EDNRB: variants seen among roughly 807,000 people sequenced by gnomAD.
EDNRB encodes endothelin receptor type B, also known as Hirschsprung disease 2.
A neutral mutation model predicts 46.4 loss-of-function variants in EDNRB; 18 were observed. The observed-to-expected ratio is 0.39, with a 90% confidence interval of 0.27 to 0.57. The LOEUF (loss-of-function observed/expected upper bound fraction) is 0.57, where lower values mean the gene tolerates loss of function less well. EDNRB is among the 20% of genes least tolerant of loss of function. EDNRB has a pLI of 0.61. For synonymous variants in EDNRB, 213 were observed against 204.9 expected (o/e 1.04, Z -0.34); for missense variants, 434 against 537.5 (o/e 0.81, Z 1.90).
intron 1 of EDNRB, among the ~76,000 whole-genome samples, chr13:77,930,124 TC>T (rs1880351392): frequency 6.6e-6 from 1 of 152,154 alleles, no homozygotes; most frequent in African/African-American, 2.4e-5. Context: ...TTTTTGATGA[TC>T]AACTATACGA....
Position 77,897,768 on chromosome 13 carries a change from AT to A in EDNRB, c.*431del. The A allele has an allele frequency of 1.0e-6, 1 of 986,420 alleles. No individual in the cohort carries two copies. The highest frequency in any genetic ancestry group is 1.2e-6 in the Non-Finnish European group (1 of 828,816). 61.1% of individuals were successfully genotyped at this position (986,420 alleles called of 1,614,324 possible). A position where few individuals can be genotyped will look rare whatever the true frequency, so the allele number is the denominator to read the frequency against. On this transcript the variant is annotated 3_prime_UTR_variant, in exon 7 of 7. Coordinates refer to ENST00000646607, the MANE Select transcript of EDNRB (RefSeq NM_001122659.3). ...GTTTTAAAGGATTTTAAAATTTTAA[AT>A]TGAGTAATTTAAGCTTCATTTAAAA...
chr13:77,904,316 A>T (rs1277388452), intron 1 of EDNRB, among the ~76,000 whole-genome samples: 1 of 151,986 alleles, frequency 6.6e-6, no homozygotes, highest in Non-Finnish European at 1.5e-5. Flanking sequence ...CCGGTCAGAC[A>T]TCCCTATCTC....
chr13:77,953,772 G>C (rs1024160477), intron 1 of EDNRB, among the ~76,000 whole-genome samples: 2 of 152,120 alleles, frequency 1.3e-5, no homozygotes, highest in Admixed American at 1.3e-4. Flanking sequence ...CAGGAACCCA[G>C]GGACCATATA....
At chr13:77,967,127 C>A (rs906133116) in intron 1 of EDNRB, among the ~76,000 whole-genome samples, 1 of 152,090 alleles carries the variant, frequency 6.6e-6, no homozygotes, top group Non-Finnish European at 1.5e-5. Flanking sequence ...AATAATATTT[C>A]TTTTTCAGGA....
intron 1 of EDNRB, among the ~76,000 whole-genome samples, chr13:77,957,132 T>C (rs1881263974): frequency 6.6e-6 from 1 of 152,228 alleles, no homozygotes; most frequent in African/African-American, 2.4e-5. Context: ...ATAAATTATG[T>C]CACTGCAGAA....
chr13:77,915,950 T>G (rs1172762846), intron 1 of EDNRB, among the ~76,000 whole-genome samples: 1 of 152,206 alleles, frequency 6.6e-6, no homozygotes, highest in East Asian at 1.9e-4. Flanking sequence ...TATGACCTCT[T>G]GGGGAGTCAG....
chr13:77,957,650 T>C (rs1245986019), intron 1 of EDNRB, among the ~76,000 whole-genome samples: 1 of 152,226 alleles, frequency 6.6e-6, no homozygotes, highest in Admixed American at 6.5e-5. Context: ...CAGATAATAA[T>C]TGTTGAATAA....
intron 1 of EDNRB, among the ~76,000 whole-genome samples, chr13:77,969,889 C>G (rs1014032680): frequency 2.0e-5 from 3 of 152,152 alleles, no homozygotes; most frequent in African/African-American, 7.2e-5. Context: ...ACGAGGTCAG[C>G]TGCATTCCAC....
intron 1 of EDNRB, among the ~76,000 whole-genome samples, chr13:77,958,832 T>C (rs1372825626): frequency 6.6e-6 from 1 of 152,218 alleles, no homozygotes; most frequent in Non-Finnish European, 1.5e-5. Context: ...AAGGCTTATG[T>C]TCAAGTGTAT....
chr13:77,898,697 T>C (rs1399851010), intron 6 of EDNRB, among the ~76,000 whole-genome samples: 1 of 151,912 alleles, frequency 6.6e-6, no homozygotes, highest in African/African-American at 2.4e-5. Context: ...ATTATACACA[T>C]GTATATGTGC....
At chr13:77,899,684 A>G in intron 6 of EDNRB, 175 bp downstream of exon 6, 1 of 585,378 alleles carries the variant, frequency 1.7e-6, no homozygotes, top group South Asian at 2.0e-5. Context: ...ATAGGAAAAA[A>G]CAATTATAGT....
At chr13:77,917,975 G>T in intron 1 of EDNRB, 116 bp downstream of exon 1, 1 of 1,511,332 alleles carries the variant, frequency 6.6e-7, no homozygotes, top group Non-Finnish European at 9.1e-7. Flanking sequence ...TTTTAGGAGG[G>T]GCAGAACCTT....
At chr13:77,953,627 C>A (rs1382772115) in intron 1 of EDNRB, among the ~76,000 whole-genome samples, 2 of 152,068 alleles carry the variant, frequency 1.3e-5, no homozygotes, top group Non-Finnish European at 2.9e-5. Flanking sequence ...TAGAGCAAAT[C>A]AATTTGCATA....
chr13:77,921,186 C>A (rs1254553609), upstream of EDNRB, among the ~76,000 whole-genome samples: 4 of 152,156 alleles, frequency 2.6e-5, no homozygotes, highest in Non-Finnish European at 5.9e-5. Flanking sequence ...TCTTTCTGCA[C>A]CATCCCACTA....
chr13:77,972,294 G>A (rs550686006), intron 1 of EDNRB, among the ~76,000 whole-genome samples: 1 of 152,298 alleles, frequency 6.6e-6, no homozygotes, highest in South Asian at 2.1e-4. Context: ...CATAACAATT[G>A]CTTTTGTTTA....
At chr13:77,966,019 G>C (rs1224486628) in intron 1 of EDNRB, among the ~76,000 whole-genome samples, 2 of 152,092 alleles carry the variant, frequency 1.3e-5, no homozygotes, top group Non-Finnish European at 2.9e-5. Context: ...TAAGACTGCA[G>C]GTGTGTGTCA....
intron 1 of EDNRB, among the ~76,000 whole-genome samples, chr13:77,960,885 G>A (rs899334722): frequency 3.4e-5 from 5 of 147,802 alleles, no homozygotes; most frequent in Non-Finnish European, 7.4e-5. Context: ...AAAAGCAGGA[G>A]TTGCAATCCT....
chr13:77,908,453 T>C (rs1173515123), intron 1 of EDNRB, among the ~76,000 whole-genome samples: 1 of 150,778 alleles, frequency 6.6e-6, no homozygotes, highest in Non-Finnish European at 1.5e-5. Flanking sequence ...AAATTCACTC[T>C]CAACCAAGAT....
intron 1 of EDNRB, among the ~76,000 whole-genome samples, chr13:77,956,487 C>T (rs757294346): frequency 6.6e-6 from 1 of 152,044 alleles, no homozygotes; most frequent in African/African-American, 2.4e-5. Context: ...TCTTCCTTTC[C>T]AATTTGGATG....
Sources: allele counts gnomAD v4.1 joint callset (sites outside exome capture counted in the v4.1 genomes callset), GRCh38; gene constraint gnomAD v4.1.1; transcripts MANE v1.5; gene names NCBI Gene and HGNC (gene_info 2026-07-23, HGNC 2026-07-21).